PBX3: variants seen among roughly 807,000 people sequenced by gnomAD.
PBX3 encodes the protein pre-B-cell leukemia transcription factor 3.
In PBX3, 14 loss-of-function variants were observed where a neutral mutation model predicts 48.5. The observed-to-expected ratio is 0.29, with a 90% CI of 0.19 to 0.45. The LOEUF is 0.45. PBX3 is among the 20% of genes least tolerant of loss of function. The pLI, the probability that PBX3 is intolerant of heterozygous loss-of-function variation, is 1.00. For missense variants in PBX3, 386 were observed against 546.7 expected (o/e 0.71, Z 2.93); for synonymous variants, 210 against 200.3 (o/e 1.05, Z -0.41).
chr9:125,847,177 C>T (rs577428651), intron 2 of PBX3, among the ~76,000 whole-genome samples: 13 of 151,898 alleles, frequency 8.6e-5, no homozygotes, highest in Admixed American at 2.0e-4. Flanking sequence ...GTAATGTTGG[C>T]GGCTATTGGT....
intron 2 of PBX3, among the ~76,000 whole-genome samples, chr9:125,793,515 C>T (rs7033922): frequency 0.07 from 10,526 of 151,046 alleles, 1,158 homozygotes; most frequent in African/African-American, 0.24. Flanking sequence ...CTGCATCCTT[C>T]GCCTCCTGGG....
intron 2 of PBX3, among the ~76,000 whole-genome samples, chr9:125,908,572 G>A (rs1261075536): frequency 1.5e-5 from 1 of 65,342 alleles, no homozygotes; most frequent in Non-Finnish European, 2.8e-5. Context: ...GCATTTTCTG[G>A]TGAGATCCCA....
At chr9:125,796,762 C>T (rs1407201051) in intron 2 of PBX3, among the ~76,000 whole-genome samples, 2 of 151,920 alleles carry the variant, frequency 1.3e-5, no homozygotes, top group African/African-American at 4.8e-5. Flanking sequence ...TTTTTAAAAG[C>T]AGTTGTATAG....
At chr9:125,856,521 C>T (rs760660476) in intron 2 of PBX3, among the ~76,000 whole-genome samples, 1 of 152,172 alleles carries the variant, frequency 6.6e-6, no homozygotes, top group East Asian at 1.9e-4. Flanking sequence ...AACGGAGCGG[C>T]GCCTCGGGCC....
intron 2 of PBX3, among the ~76,000 whole-genome samples, chr9:125,915,179 T>C (rs1427445466): frequency 6.6e-6 from 1 of 152,178 alleles, no homozygotes; most frequent in Non-Finnish European, 1.5e-5. Flanking sequence ...TCATCTAATG[T>C]TGTTTATTTT....
intron 2 of PBX3, among the ~76,000 whole-genome samples, chr9:125,887,177 A>C (rs1006113466): frequency 7.2e-5 from 11 of 152,140 alleles, no homozygotes; most frequent in African/African-American, 2.7e-4. Flanking sequence ...ATTGTCAACT[A>C]ATTCTTTATA....
At chr9:125,949,489 G>A (rs1289707827) in intron 5 of PBX3, 2 of 1,550,042 alleles carry the variant, frequency 1.3e-6, no homozygotes, top group Non-Finnish European at 8.7e-7. Flanking sequence ...AGGGGCATGA[G>A]GGTGTGTCTG....
chr9:125,860,841 C>G (rs144657243), intron 2 of PBX3, among the ~76,000 whole-genome samples: 1 of 138,118 alleles, frequency 7.2e-6, no homozygotes, highest in African/African-American at 2.8e-5. Context: ...GAGCTGAGAT[C>G]GTGCAACTGT....
chr9:125,866,615 C>CA (rs1368417373), intron 2 of PBX3, among the ~76,000 whole-genome samples: 3 of 152,122 alleles, frequency 2.0e-5, no homozygotes, highest in Non-Finnish European at 2.9e-5. Flanking sequence ...GAGAAAGGAC[C>CA]AGAGGCCTCT....
chr9:125,893,347 A>T (rs926338694), intron 2 of PBX3, among the ~76,000 whole-genome samples: 1 of 152,222 alleles, frequency 6.6e-6, no homozygotes, highest in Admixed American at 6.5e-5. Flanking sequence ...ACTCTTTTGC[A>T]CTTAGAGACA....
rs1161987821 is a variant in PBX3, at chr9:125,772,707, A to G, written c.274+24084A>G. On this transcript the variant is annotated intron_variant, in intron 2 of 8. Transcript: ENST00000373489. ...TACAGGACCTAATGTGATACGTGGT[A>G]TGTAATAGATGCTTAATAAATTGCA... is the stretch of plus-strand genomic sequence containing the variant. 5.9e-5 allele frequency among the ~76,000 whole-genome samples: 9 copies of G among 152,224 alleles called. 1 individual carries two copies. The highest frequency in any genetic ancestry group is 1.2e-4 in the Non-Finnish European group (8 of 68,040).
intron 2 of PBX3, among the ~76,000 whole-genome samples, chr9:125,829,023 G>A: frequency 6.6e-6 from 1 of 152,138 alleles, no homozygotes; most frequent in East Asian, 1.9e-4. Flanking sequence ...TGGGAGTCTG[G>A]TATTGAAAGA....
At chr9:125,886,319 T>C (rs1840500563) in intron 2 of PBX3, among the ~76,000 whole-genome samples, 1 of 152,112 alleles carries the variant, frequency 6.6e-6, no homozygotes, top group Non-Finnish European at 1.5e-5. Context: ...GCCTCTGATA[T>C]GGGAGGGGGA....
At chr9:125,926,763 T>G (rs1295530057) in intron 3 of PBX3, among the ~76,000 whole-genome samples, 1 of 152,208 alleles carries the variant, frequency 6.6e-6, no homozygotes, top group Non-Finnish European at 1.5e-5. Flanking sequence ...GAGATTGCAG[T>G]GAGCCAAGAT....
At chr9:125,812,393 A>G (rs1030540518) in intron 2 of PBX3, among the ~76,000 whole-genome samples, 4 of 152,164 alleles carry the variant, frequency 2.6e-5, no homozygotes, top group Non-Finnish European at 5.9e-5. Context: ...CAGATTTTTA[A>G]CAGTCGTTAG....
intron 5 of PBX3, among the ~76,000 whole-genome samples, chr9:125,951,490 C>T (rs577130434): frequency 6.6e-6 from 1 of 152,220 alleles, no homozygotes; most frequent in African/African-American, 2.4e-5. Flanking sequence ...GAAAAGGGGT[C>T]CTGACCTTAG....
chr9:125,915,654 C>T (rs1046640751), intron 2 of PBX3, 32 bp from the exon 3 acceptor site: 4 of 1,544,898 alleles, frequency 2.6e-6, no homozygotes, highest in Non-Finnish European at 2.6e-6. Flanking sequence ...CTCGCTTCTT[C>T]TCTCTCTGTC....
chr9:125,869,777 A>T (rs1450643811), intron 2 of PBX3, among the ~76,000 whole-genome samples: 2 of 152,108 alleles, frequency 1.3e-5, no homozygotes, highest in Non-Finnish European at 2.9e-5. Flanking sequence ...AAAAACAAAA[A>T]CCCTCAGAAG....
intron 2 of PBX3, among the ~76,000 whole-genome samples, chr9:125,792,058 GC>G (rs1564657215): frequency 1.3e-5 from 2 of 148,850 alleles, no homozygotes; most frequent in Non-Finnish European, 3.0e-5. Context: ...ACGCACGCAC[GC>G]ACGCACGCAC....
Sources: allele counts gnomAD v4.1 joint callset (sites outside exome capture counted in the v4.1 genomes callset), GRCh38; gene constraint gnomAD v4.1.1; transcripts MANE v1.5; gene names NCBI Gene and HGNC (gene_info 2026-07-23, HGNC 2026-07-21).